EYS: variants seen among roughly 807,000 people sequenced by gnomAD.
EYS encodes EGF-like photoreceptor maintenance factor.
Under a neutral mutation model 282.1 loss-of-function variants are expected in EYS, and 250 were observed. The observed-to-expected ratio is 0.89, with a 90% CI of 0.80 to 0.98. The LOEUF (loss-of-function observed/expected upper bound fraction) is 0.98. Among genes scored for constraint, EYS ranks in the 50% least tolerant of loss-of-function variants. The probability of loss-of-function intolerance (pLI) is 0.00; values close to 1 mark genes in which losing one functional copy is unlikely to be tolerated. For synonymous variants in EYS, 1,355 were observed against 1,282.9 expected (o/e 1.06, Z -1.20); for missense variants, 4,016 against 3,709.0 (o/e 1.08, Z -2.15).
chr6:64,054,124 A>G (rs1232493578), intron 33 of EYS, among the ~76,000 whole-genome samples: 1 of 152,174 alleles, frequency 6.6e-6, no homozygotes, highest in Non-Finnish European at 1.5e-5. Context: ...GCATTCTTAT[A>G]GTAGTTTACA....
chr6:63,797,007 C>G (rs956568218), intron 37 of EYS, among the ~76,000 whole-genome samples: 1 of 152,122 alleles, frequency 6.6e-6, no homozygotes, highest in Non-Finnish European at 1.5e-5. Flanking sequence ...GAGTTCCCAT[C>G]TGGAGGAATG....
intron 31 of EYS, among the ~76,000 whole-genome samples, chr6:64,179,073 T>G (rs1385029090): frequency 6.6e-6 from 1 of 152,096 alleles, no homozygotes; most frequent in Non-Finnish European, 1.5e-5. Flanking sequence ...TGATTCATTT[T>G]AAAACCAACC....
intron 14 of EYS, among the ~76,000 whole-genome samples, chr6:64,972,350 G>T (rs1770323523): frequency 1.3e-5 from 2 of 152,020 alleles, no homozygotes; most frequent in African/African-American, 4.8e-5. Flanking sequence ...CATTCCTATA[G>T]AAATGAAAAA....
chr6:63,999,186 A>G lies in EYS; in HGVS notation c.6726-3T>C. ...GGCTGCCAACAGGCGTTGTGTAGCT[A>G]AACGTAAAACAGAAGAGGCCATTAT... On this transcript the variant is annotated splice_region_variant and splice_polypyrimidine_tract_variant and intron_variant, in intron 33 of 42. Transcript: ENST00000503581. The G allele has an allele frequency of 6.5e-7, 1 of 1,546,094 alleles. No homozygotes were observed. The highest frequency in any genetic ancestry group is 8.8e-7 in the Non-Finnish European group (1 of 1,141,942).
chr6:64,391,157 C>T (rs1362379729), intron 28 of EYS, among the ~76,000 whole-genome samples: 2 of 152,006 alleles, frequency 1.3e-5, no homozygotes, highest in African/African-American at 2.4e-5. Flanking sequence ...GATTGGTGTA[C>T]CTGAAAGTGA....
At chr6:64,776,803 C>T (rs1292954943) in intron 22 of EYS, among the ~76,000 whole-genome samples, 1 of 152,072 alleles carries the variant, frequency 6.6e-6, no homozygotes. Context: ...GAAAATTTTT[C>T]CTATGCTTCA....
intron 11 of EYS, among the ~76,000 whole-genome samples, chr6:65,305,209 C>T (rs1768969470): frequency 6.6e-6 from 1 of 151,812 alleles, no homozygotes; most frequent in South Asian, 2.1e-4. Context: ...ATACCCTTCT[C>T]TCCACAAAAA....
chr6:64,997,527 G>A, intron 14 of EYS, 55 bp downstream of exon 14: 4 of 1,490,326 alleles, frequency 2.7e-6, no homozygotes, highest in Non-Finnish European at 2.7e-6. Context: ...TTGTACATAG[G>A]TGTTAAATTA....
chr6:64,811,435 A>AG, intron 22 of EYS, among the ~76,000 whole-genome samples: 1 of 151,694 alleles, frequency 6.6e-6, no homozygotes, highest in Non-Finnish European at 1.5e-5. Flanking sequence ...AAAAAAAAAA[A>AG]TCAGCCAAGC....
chr6:65,385,991 G>T (rs1199572269), intron 7 of EYS, among the ~76,000 whole-genome samples: 1 of 151,884 alleles, frequency 6.6e-6, no homozygotes, highest in Non-Finnish European at 1.5e-5. Flanking sequence ...AATTGGCCAA[G>T]AGCAGTTAAA....
chr6:64,086,795 A>G (rs1772172184), intron 31 of EYS, among the ~76,000 whole-genome samples: 1 of 152,200 alleles, frequency 6.6e-6, no homozygotes, highest in South Asian at 2.1e-4. Flanking sequence ...TAGTAGAAAT[A>G]GAATGTCCTA....
chr6:65,208,637 A>G (rs772286370), intron 12 of EYS, among the ~76,000 whole-genome samples: 1 of 151,888 alleles, frequency 6.6e-6, no homozygotes, highest in Non-Finnish European at 1.5e-5. Context: ...GAATGAAGTC[A>G]TTTCCTTTGC....
intron 14 of EYS, among the ~76,000 whole-genome samples, chr6:64,972,245 G>A (rs867475060): frequency 6.6e-6 from 1 of 152,124 alleles, no homozygotes. Context: ...ATTGCTCAAC[G>A]TTGGTTTTGA....
chr6:64,621,022 T>A (rs1326238935), intron 23 of EYS, among the ~76,000 whole-genome samples: 3 of 151,180 alleles, frequency 2.0e-5, no homozygotes, highest in African/African-American at 7.3e-5. Context: ...TTTTTACTAA[T>A]TTTTTTTTAA....
chr6:64,040,275 G>A (rs1770324952), intron 33 of EYS, among the ~76,000 whole-genome samples: 2 of 152,158 alleles, frequency 1.3e-5, no homozygotes, highest in East Asian at 1.9e-4. Context: ...GTGATATATG[G>A]AAGATGCCTC....
intron 24 of EYS, among the ~76,000 whole-genome samples, chr6:64,602,604 CTA>C (rs1194932459): frequency 1.3e-5 from 2 of 152,058 alleles, no homozygotes; most frequent in Non-Finnish European, 2.9e-5. Context: ...TTCCCAAGGT[CTA>C]TCATTAAGAA....
At chr6:65,412,010 G>C (rs1404897348) in intron 5 of EYS, among the ~76,000 whole-genome samples, 1 of 151,936 alleles carries the variant, frequency 6.6e-6, no homozygotes. Context: ...GATTTGGGGT[G>C]GGAATTTTGG....
chr6:63,778,573 T>C (rs568235213), intron 39 of EYS, among the ~76,000 whole-genome samples: 13 of 152,326 alleles, frequency 8.5e-5, no homozygotes, highest in African/African-American at 2.9e-4. Flanking sequence ...TATTTTCTTA[T>C]ATCAAAATAT....
chr6:64,127,506 G>A (rs1010560182), intron 31 of EYS, among the ~76,000 whole-genome samples: 4 of 152,046 alleles, frequency 2.6e-5, no homozygotes, highest in African/African-American at 7.2e-5. Context: ...TTTCTCTACG[G>A]ATTTGTTTAT....
Sources: allele counts gnomAD v4.1 joint callset (sites outside exome capture counted in the v4.1 genomes callset), GRCh38; gene constraint gnomAD v4.1.1; transcripts MANE v1.5; gene names NCBI Gene and HGNC (gene_info 2026-07-23, HGNC 2026-07-21).